The following CDK15 variants were observed in gnomAD, a reference collection of about 807,000 sequenced individuals.
CDK15 encodes cyclin-dependent kinase 15.
Under a neutral mutation model 60.3 loss-of-function variants are expected in CDK15, and 62 were observed. That is an observed-to-expected ratio of 1.03 (90% CI 0.84 to 1.27). CDK15 has a LOEUF of 1.27. Among genes scored for constraint, CDK15 ranks in the 50% most tolerant of loss-of-function variants. CDK15 has a pLI of 0.00. For missense variants in CDK15, 541 were observed against 527.8 expected (o/e 1.03, Z -0.25); for synonymous variants, 194 against 195.7 (o/e 0.99, Z 0.07).
intron 8 of CDK15, among the ~76,000 whole-genome samples, 194 bp downstream of exon 8, chr2:201,835,957 TG>T (rs1383998481): frequency 1.7e-5 from 2 of 119,130 alleles, no homozygotes; most frequent in East Asian, 2.6e-4. Context: ...TATATATATT[TG>T]TATATATTTA....
At chr2:201,879,114 C>T (rs574325162) in intron 11 of CDK15, among the ~76,000 whole-genome samples, 1 of 152,168 alleles carries the variant, frequency 6.6e-6, no homozygotes, top group East Asian at 1.9e-4. Context: ...TTGCTCATCT[C>T]CAGATATATA....
rs771900095 is a variant in CDK15 at position 201,847,481 on chromosome 2, G to A, written c.945+7G>A. 1 of 1,610,484 alleles carries A rather than the reference G, an allele frequency of 6.2e-7. No homozygotes were observed. Among genetic ancestry groups the A allele is most frequent in the Non-Finnish European group, 8.5e-7 (1 of 1,177,612 alleles). On this transcript the variant is annotated splice_region_variant and intron_variant, in intron 9 of 13. Coordinates refer to ENST00000652192, the MANE Select transcript of CDK15 (RefSeq NM_001366386.2). ...GCTGGAGAAAATCTGGGAGGTAGGAGAATAATTCTTCTAAAGAAAATGAAA... is the reference window on the plus strand; with the variant it reads ...GCTGGAGAAAATCTGGGAGGTAGGAAAATAATTCTTCTAAAGAAAATGAAA...
chr2:201,836,058 T>TATATTATATATTTA (rs1553523956), intron 8 of CDK15, among the ~76,000 whole-genome samples: 94 of 96,002 alleles, frequency 9.8e-4, no homozygotes, highest in Non-Finnish European at 1.5e-3. Context: ...TATATATATA[T>TATATTATATATTTA]TATATATATT....
chr2:201,827,713 C>T (rs1169245590), intron 6 of CDK15, among the ~76,000 whole-genome samples: 1 of 152,056 alleles, frequency 6.6e-6, no homozygotes, highest in African/African-American at 2.4e-5. Context: ...CTCAAATTAT[C>T]TTCCCAGCTC....
intron 1 of CDK15, 59 bp from the exon 2 acceptor site, chr2:201,807,435 C>T: frequency 6.5e-7 from 1 of 1,540,338 alleles, no homozygotes; most frequent in East Asian, 2.3e-5. Context: ...AATGGTTTTA[C>T]CAGGCACTGA....
intron 8 of CDK15, among the ~76,000 whole-genome samples, chr2:201,838,074 G>A (rs1697205454): frequency 6.6e-6 from 1 of 152,124 alleles, no homozygotes; most frequent in African/African-American, 2.4e-5. Context: ...TCCTGATTAT[G>A]TTTCACAGAG....
intron 10 of CDK15, chr2:201,861,015 G>T: frequency 2.6e-6 from 3 of 1,170,128 alleles, no homozygotes; most frequent in Non-Finnish European, 3.2e-6. Flanking sequence ...GTCGGCATCA[G>T]CTTGGTTGTA....
At chr2:201,833,699 A>ATCTTCTTCTTCTTCT (rs147493518) in intron 6 of CDK15, 149 bp from the exon 7 acceptor site, 2 of 292,274 alleles carry the variant, frequency 6.8e-6, no homozygotes, top group East Asian at 7.9e-5. Context: ...GAATGTAAAA[A>ATCTTCTTCTTCTTCT]TCTTCTTCTT....
At chr2:201,853,198 A>G (rs1301251997) in intron 9 of CDK15, among the ~76,000 whole-genome samples, 2 of 152,208 alleles carry the variant, frequency 1.3e-5, no homozygotes, top group Non-Finnish European at 2.9e-5. Context: ...TGGTTTTTCA[A>G]AATGGATTCC....
In CDK15 at chr2:201,860,915, G is replaced by A. The variant is rs1433278511; in HGVS notation, c.1009+5978G>A. On this transcript the variant is annotated intron_variant, in intron 10 of 13. Transcript: ENST00000652192. ...ATTAAAATGATCCTTGTCCCCACTG[G>A]GATGATAAAGAGCTATTCTGCTTTG... 5.3e-6 allele frequency: 7 copies of A among 1,332,368 alleles called. No individual in the cohort carries two copies. The African/African-American group carries it at 1.0e-4, about 20-fold the overall frequency. The allele number at this position is 1,332,368 out of a possible 1,614,324, so 82.5% of individuals were successfully genotyped here.
chr2:201,822,447 C>T (rs75114958), intron 4 of CDK15, among the ~76,000 whole-genome samples: 2,975 of 152,314 alleles, frequency 0.02, 49 homozygotes, highest in Non-Finnish European at 0.028. Flanking sequence ...TCCTGCTCCT[C>T]CAAAGCCCTT....
intron 8 of CDK15, among the ~76,000 whole-genome samples, chr2:201,839,246 C>T (rs1415735381): frequency 6.6e-6 from 1 of 152,152 alleles, no homozygotes. Context: ...CCAAGTCTCC[C>T]AGCCTATTCA....
At chr2:201,839,067 G>A (rs1230962123) in intron 8 of CDK15, among the ~76,000 whole-genome samples, 1 of 151,960 alleles carries the variant, frequency 6.6e-6, no homozygotes, top group African/African-American at 2.4e-5. Flanking sequence ...CAGCCATGAT[G>A]TTATATTGCT....
At position 201,812,531 on chromosome 2, in the gene CDK15, G is replaced by T; in HGVS notation, c.417G>T (p.Glu139Asp). Residue 139 changes from glutamate (E) to aspartate (D), a missense_variant, in exon 4 of 14, where the codon GAG (glutamate) becomes GAT (aspartate). Coordinates refer to ENST00000652192, the MANE Select transcript of CDK15 (RefSeq NM_001366386.2). ...TAAAAGTCATCAGCATGAATGCAGA[G>T]GAAGGAGTCCCATTTACAGCTATCC... ...VALKVISMNA[E>D]EGVPFTAIRE... 1 of 1,613,080 alleles carries T rather than the reference G, an allele frequency of 6.2e-7. No homozygotes were observed. The highest frequency in any genetic ancestry group is 8.5e-7 in the Non-Finnish European group (1 of 1,179,350).
intron 3 of CDK15, among the ~76,000 whole-genome samples, chr2:201,811,228 G>A (rs1376915678): frequency 6.7e-6 from 1 of 150,278 alleles, no homozygotes; most frequent in Non-Finnish European, 1.5e-5. Context: ...TTGGCTCACT[G>A]CAAGCTCCGC....
At chr2:201,819,326 G>GT (rs1696124388) in intron 4 of CDK15, among the ~76,000 whole-genome samples, 1 of 152,238 alleles carries the variant, frequency 6.6e-6, no homozygotes, top group Non-Finnish European at 1.5e-5. Context: ...AAATCCTGGG[G>GT]TGGAAATGTG....
chr2:201,825,503 GA>G (rs11344911), intron 6 of CDK15, among the ~76,000 whole-genome samples: 115,906 of 150,490 alleles, frequency 0.77, 44,754 homozygotes, highest in Admixed American at 0.81. Context: ...TAAAGAGAGT[GA>G]AAAAAAAAAA....
intron 6 of CDK15, chr2:201,824,589 C>A (rs1161976075): frequency 2.5e-5 from 8 of 314,398 alleles, no homozygotes; most frequent in Non-Finnish European, 4.9e-5. Flanking sequence ...AAATATACAG[C>A]CTTAAAATAG....
intron 10 of CDK15, among the ~76,000 whole-genome samples, chr2:201,869,013 G>A (rs1457593431): frequency 1.3e-5 from 2 of 152,120 alleles, no homozygotes; most frequent in Non-Finnish European, 2.9e-5. Flanking sequence ...ATTTGACCCA[G>A]CAATCCCATT....
Sources: allele counts gnomAD v4.1 joint callset (sites outside exome capture counted in the v4.1 genomes callset), GRCh38; gene constraint gnomAD v4.1.1; transcripts MANE v1.5; gene names NCBI Gene and HGNC (gene_info 2026-07-23, HGNC 2026-07-21).